NOTCH1: variants seen among roughly 807,000 people sequenced by gnomAD.
The protein encoded by NOTCH1 is neurogenic locus notch homolog protein 1.
NOTCH1 carries 37 observed loss-of-function variants against 254.8 expected under a neutral mutation model. That is an observed-to-expected ratio of 0.15 (90% CI 0.11 to 0.19). The LOEUF (loss-of-function observed/expected upper bound fraction) is 0.19, where lower values mean the gene tolerates loss of function less well. NOTCH1 is among the 10% of genes least tolerant of loss of function. The pLI is 1.00. For synonymous variants in NOTCH1, 1,731 were observed against 1,618.1 expected, an observed-to-expected ratio of 1.07 and a Z score of -1.68; for missense variants, 2,972 against 3,708.6, an observed-to-expected ratio of 0.80 and a Z score of 5.16.
At chr9:136,507,520 C>A in intron 21 of NOTCH1, 83 bp from the exon 22 acceptor site, 1 of 1,534,560 alleles carries the variant, frequency 6.5e-7, no homozygotes, top group Non-Finnish European at 8.8e-7. Flanking sequence ...TGAGGGCTGA[C>A]AGGGCCACAT....
chr9:136,525,139 G>C (rs1432103698), intron 2 of NOTCH1, among the ~76,000 whole-genome samples: 1 of 152,226 alleles, frequency 6.6e-6, no homozygotes, highest in South Asian at 2.1e-4. Flanking sequence ...TACAGCCGGG[G>C]AAACCAAGGT....
At chr9:136,523,334 G>C (rs777677314) in intron 3 of NOTCH1, 146 bp from the exon 4 acceptor site, 5 of 886,102 alleles carry the variant, frequency 5.6e-6, no homozygotes, top group Non-Finnish European at 8.9e-6. Flanking sequence ...CCGTGAGACC[G>C]GTCGCCTTTG....
At position 136,506,977 on chromosome 9, in the gene NOTCH1, C is replaced by CG. The variant is rs1843097559; in HGVS notation, c.3644-5dup. 1 of 1,594,722 alleles carries CG rather than the reference C, an allele frequency of 6.3e-7. No homozygotes were observed. The highest frequency in any genetic ancestry group is 1.3e-5 in the African/African-American group (1 of 74,358). ...ACGTTGATCTCACAGTGCACACCTG[C>CG]GGGGCCAGGTTTCGTCAGTGGCCCA... On this transcript the variant is annotated splice_region_variant and splice_polypyrimidine_tract_variant and intron_variant, in intron 22 of 33. Transcript: ENST00000651671. The surrounding 1 kb of genome is among the most constrained non-coding windows in gnomAD (Gnocchi z 4.5).
At chr9:136,524,704 C>G (rs1843433044) in intron 2 of NOTCH1, among the ~76,000 whole-genome samples, 1 of 139,568 alleles carries the variant, frequency 7.2e-6, no homozygotes, top group African/African-American at 2.7e-5. Flanking sequence ...GGGGCGCGAT[C>G]TAGGCTCACT....
chr9:136,519,826 GTC>G (rs1320469675), intron 4 of NOTCH1, among the ~76,000 whole-genome samples: 2 of 152,228 alleles, frequency 1.3e-5, no homozygotes, highest in Admixed American at 1.3e-4. Flanking sequence ...AAACCCTTGG[GTC>G]TCTTTTAAGA....
Position 136,540,556 on chromosome 9 carries a change from A to G in NOTCH1, c.140+3468T>C, listed in dbSNP as rs1482699596. 6.6e-6 allele frequency among the ~76,000 whole-genome samples: 1 copy of G among 152,186 alleles called. No individual in the cohort carries two copies. The highest frequency in any genetic ancestry group is 1.5e-5 in the Non-Finnish European group (1 of 68,026). The stretch of plus-strand genomic sequence containing the variant: ...GGCGGGGAAGAAAGGAGCGCTGACC[A>G]GGTGCCCTCTCCACACGGTTCTCAT... On this transcript the variant is annotated intron_variant, in intron 2 of 33. Transcript: ENST00000651671. This position sits in a 1 kb window ranked among gnomAD's most constrained non-coding sequence, Gnocchi z 4.4.
At chr9:136,538,382 G>A (rs1843686040) in intron 2 of NOTCH1, among the ~76,000 whole-genome samples, 1 of 152,154 alleles carries the variant, frequency 6.6e-6, no homozygotes, top group African/African-American at 2.4e-5. Context: ...GGGTCCCGCT[G>A]GCTGTAGTTG....
rs183075192 is a variant in NOTCH1 at position 136,544,819 on chromosome 9, C to T, written c.62-717G>A. Among the ~76,000 whole-genome samples, 7 of 152,086 alleles carry T rather than the reference C, an allele frequency of 4.6e-5. No individual in the cohort carries two copies. In the East Asian group the frequency reaches 1.4e-3, roughly 30 times the overall value. On this transcript the variant is annotated intron_variant, in intron 1 of 33. Coordinates refer to ENST00000651671, the MANE Select transcript of NOTCH1 (RefSeq NM_017617.5). Reference sequence around the variant, plus strand: ...ACACCCACAGGAGGGGGATGAAGGTCCCCCATTCGGAAGGAATTCGACCCC... The same window carrying T: ...ACACCCACAGGAGGGGGATGAAGGTTCCCCATTCGGAAGGAATTCGACCCC...
intron 2 of NOTCH1, chr9:136,542,937 CACAG>C (rs1427110087): frequency 6.6e-6 from 1 of 152,646 alleles, no homozygotes; most frequent in Non-Finnish European, 1.5e-5. Context: ...GATGGGCACT[CACAG>C]GCAGGCAGGA....
Position 136,508,138 on chromosome 9 carries a change from A to C in NOTCH1, c.3327T>G (p.Gly1109=), listed in dbSNP as rs748468291. ...GCTGGCACAGGCGGGCAACGTCAACACCTGCGGGGGATGGGGTGGTAGACA... is the reference window on the plus strand; with the variant it reads ...GCTGGCACAGGCGGGCAACGTCAACCCCTGCGGGGGATGGGGTGGTAGACA... The part of the protein sequence containing the change: ...VSCEVAAQRQ[G]VDVARLCQHG... The change falls in exon 21 of 34, where the codon GGT becomes GGG. Residue 1109 remains glycine, a splice_region_variant and synonymous_variant. Transcript: ENST00000651671. 1 of 1,607,896 alleles carries C rather than the reference A, an allele frequency of 6.2e-7. No homozygotes were observed. Among genetic ancestry groups the C allele is most frequent in the Non-Finnish European group, 8.5e-7 (1 of 1,179,708 alleles).
chr9:136,534,845 C>CG (rs1843617441), intron 2 of NOTCH1, among the ~76,000 whole-genome samples: 12 of 109,730 alleles, frequency 1.1e-4, no homozygotes, highest in Non-Finnish European at 1.4e-4. Context: ...ACAGAGCCCC[C>CG]AGTCCCTCCC....
chr9:136,545,183 G>A lies in NOTCH1; in HGVS notation c.61+543C>T, dbSNP rs1392956703. ...CCCAAACTGAGAGCCGGGCTGGGGG[G>A]CACCGGCGGGCGGGGCGACCGGGAG... On this transcript the variant is annotated intron_variant, in intron 1 of 33. Transcript: ENST00000651671. This position sits in a 1 kb window ranked among gnomAD's most constrained non-coding sequence, Gnocchi z 6.8. 1.3e-5 allele frequency among the ~76,000 whole-genome samples: 2 copies of A among 151,850 alleles called. No homozygotes were observed. Among genetic ancestry groups the A allele is most frequent in the Admixed American group, 1.3e-4 (2 of 15,266 alleles).
rs1401352539 is a variant in NOTCH1, at chr9:136,496,825, T to C, written c.6914A>G (p.Asn2305Ser). The change falls in exon 34 of 34, where the codon AAT becomes AGT. Residue 2305 changes from asparagine to serine, a missense_variant. By Grantham distance (46) the Asn-to-Ser change is conservative (BLOSUM62 1). Coordinates refer to ENST00000651671, the MANE Select transcript of NOTCH1 (RefSeq NM_017617.5). ...CCGGGACAGCCACTCGCATTGACCA[T>C]TCAAACTGGTGGACCCGCCCACAGT... ...NFTVGGSTSL[N>S]GQCEWLSRLQ... 2 of 1,612,916 alleles carry C rather than the reference T, an allele frequency of 1.2e-6. No individual in the cohort carries two copies. Among genetic ancestry groups the C allele is most frequent in the Non-Finnish European group, 1.7e-6 (2 of 1,179,990 alleles).
intron 28 of NOTCH1, 71 bp from the exon 29 acceptor site, chr9:136,502,159 G>C: frequency 6.3e-7 from 1 of 1,598,028 alleles, no homozygotes. Context: ...CCCTGGCCCG[G>C]GCCTGGCGTG....
chr9:136,519,400 C>G (rs562492414), intron 5 of NOTCH1, 43 bp downstream of exon 5: 2 of 1,609,948 alleles, frequency 1.2e-6, no homozygotes, highest in South Asian at 1.1e-5. Context: ...TGGGTAGCAG[C>G]CCCGCCCCGG....
Position 136,495,806 on chromosome 9 carries a change from T to G in NOTCH1, c.*265A>C, listed in dbSNP as rs1842905535. 1 of 430,670 alleles carries G rather than the reference T, an allele frequency of 2.3e-6. No individual in the cohort carries two copies. Among genetic ancestry groups the G allele is most frequent in the African/African-American group, 2.0e-5 (1 of 49,382 alleles). The allele number at this position is 430,670 out of a possible 1,614,324, so 26.7% of individuals were successfully genotyped here. On this transcript the variant is annotated 3_prime_UTR_variant, in exon 34 of 34. Transcript: ENST00000651671. Reference sequence around the variant, plus strand: ...TCATCCTACGTAGGAAAACCCTGGCTCTCAGAACTTGCTTGTTTTCTCAGA... The same window carrying G: ...TCATCCTACGTAGGAAAACCCTGGCGCTCAGAACTTGCTTGTTTTCTCAGA...
intron 26 of NOTCH1, among the ~76,000 whole-genome samples, chr9:136,504,031 T>C (rs1189353845): frequency 6.7e-6 from 1 of 149,714 alleles, no homozygotes. Flanking sequence ...CACCAGCTCC[T>C]CCTCCAACTG....
rs780533166 is a variant in NOTCH1 at position 136,499,093 on chromosome 9, C to T, written c.6082+19G>A. 13 of 1,612,768 alleles carry T rather than the reference C, an allele frequency of 8.1e-6. No homozygotes were observed. The African/African-American group carries it at 9.3e-5, about 12-fold the overall frequency. On this transcript the variant is annotated intron_variant, in intron 32 of 33. Transcript: ENST00000651671. ...CGGTCCCGCCCCACGACAGAGCAGC[C>T]GTGCCCCCGTGGGCTCACCCAGGTC...
chr9:136,538,589 C>T (rs1040957755), intron 2 of NOTCH1, among the ~76,000 whole-genome samples: 11 of 152,266 alleles, frequency 7.2e-5, no homozygotes, highest in African/African-American at 2.7e-4. Flanking sequence ...CAAAGCCAGC[C>T]GCTCGTTAAA....
Sources: allele counts gnomAD v4.1 joint callset (sites outside exome capture counted in the v4.1 genomes callset), GRCh38; gene constraint gnomAD v4.1.1; non-coding constraint Gnocchi (gnomAD v3.1); transcripts MANE v1.5; gene names NCBI Gene and HGNC (gene_info 2026-07-23, HGNC 2026-07-21).